Variants in SLC24A3 observed in about 807,000 individuals in gnomAD.
SLC24A3 encodes sodium/potassium/calcium exchanger 3.
A neutral mutation model predicts 75.8 loss-of-function variants in SLC24A3; 28 were observed. The observed-to-expected ratio is 0.37, with a 90% CI of 0.27 to 0.51. The LOEUF is 0.51. Ranked by LOEUF, SLC24A3 falls within the 20% of genes least tolerant of loss-of-function variation. SLC24A3 has a pLI of 0.94. For missense variants in SLC24A3, 663 were observed against 847.8 expected, an observed-to-expected ratio of 0.78 and a Z score of 2.71; for synonymous variants, 372 against 334.1, an observed-to-expected ratio of 1.11 and a Z score of -1.24.
At chr20:19,299,188 GTGTGTGTGTA>G (rs1160624398) in intron 2 of SLC24A3, among the ~76,000 whole-genome samples, 13 of 143,052 alleles carry the variant, frequency 9.1e-5, no homozygotes, top group African/African-American at 3.6e-4. Flanking sequence ...GTGTGTGTGT[GTGTGTGTGTA>G]TGTGTGTGTG....
At chr20:19,237,954 C>A (rs2122158471) in intron 1 of SLC24A3, among the ~76,000 whole-genome samples, 1 of 152,278 alleles carries the variant, frequency 6.6e-6, no homozygotes, top group South Asian at 2.1e-4. Context: ...TATTTTCAAC[C>A]CAAATAGGAA....
At chr20:19,510,800 G>A (rs1351416117) in intron 2 of SLC24A3, among the ~76,000 whole-genome samples, 1 of 152,236 alleles carries the variant, frequency 6.6e-6, no homozygotes, top group Non-Finnish European at 1.5e-5. Context: ...AGCTATGAGA[G>A]ATAAATGTCT....
At chr20:19,396,628 C>T (rs1340441586) in intron 2 of SLC24A3, among the ~76,000 whole-genome samples, 1 of 152,182 alleles carries the variant, frequency 6.6e-6, no homozygotes, top group South Asian at 2.1e-4. Flanking sequence ...TTGTTCACAG[C>T]CTTTGGTTGG....
intron 2 of SLC24A3, among the ~76,000 whole-genome samples, chr20:19,474,428 A>G (rs1355895674): frequency 6.6e-6 from 1 of 152,216 alleles, no homozygotes; most frequent in Non-Finnish European, 1.5e-5. Flanking sequence ...GTTAAGGAAA[A>G]TACTAACTAC....
chr20:19,497,550 A>G (rs910249538), intron 2 of SLC24A3, among the ~76,000 whole-genome samples: 4 of 76,558 alleles, frequency 5.2e-5, no homozygotes, highest in Non-Finnish European at 9.9e-5. Context: ...TTTCTTTGGG[A>G]AAAAACAAGG....
intron 3 of SLC24A3, among the ~76,000 whole-genome samples, chr20:19,559,358 G>A (rs374275058): frequency 2.9e-4 from 44 of 152,244 alleles, no homozygotes; most frequent in African/African-American, 9.6e-4. Flanking sequence ...TTGAATACAT[G>A]TACTTCATAA....
intron 3 of SLC24A3, among the ~76,000 whole-genome samples, chr20:19,518,589 T>C (rs2030040974): frequency 6.6e-6 from 1 of 152,146 alleles, no homozygotes; most frequent in South Asian, 2.1e-4. Flanking sequence ...TCAGGGAGTC[T>C]AGAGAGAGCA....
chr20:19,510,068 G>A (rs1480075826), intron 2 of SLC24A3, among the ~76,000 whole-genome samples: 1 of 152,194 alleles, frequency 6.6e-6, no homozygotes, highest in Non-Finnish European at 1.5e-5. Context: ...ACGCACGTAG[G>A]AGCTGACAAA....
At chr20:19,590,209 T>C (rs566467145) in intron 6 of SLC24A3, among the ~76,000 whole-genome samples, 1 of 152,014 alleles carries the variant, frequency 6.6e-6, no homozygotes, top group African/African-American at 2.4e-5. Flanking sequence ...ACAAACAATG[T>C]GCAGCTAGAA....
Position 19,317,460 on chromosome 20 carries a change from T to A in SLC24A3, c.271+36373T>A, listed in dbSNP as rs554773472. ...TCTGCAAGATGACTCCCCTGTGACC[T>A]GCTGCATTCACAGAAAAGAGGCAAA... On this transcript the variant is annotated intron_variant, in intron 2 of 16. Transcript: ENST00000328041. Among the ~76,000 whole-genome samples the A allele has an allele frequency of 3.3e-5, 5 of 152,296 alleles. No homozygotes were observed. In the East Asian group the frequency reaches 7.7e-4, roughly 24 times the overall value.
intron 2 of SLC24A3, among the ~76,000 whole-genome samples, chr20:19,309,901 C>T (rs992927098): frequency 6.6e-6 from 1 of 152,106 alleles, no homozygotes; most frequent in African/African-American, 2.4e-5. Flanking sequence ...TTTCACGCCC[C>T]AGGAGTGACT....
intron 2 of SLC24A3, among the ~76,000 whole-genome samples, chr20:19,284,863 A>G (rs893950052): frequency 6.6e-6 from 1 of 152,208 alleles, no homozygotes; most frequent in Admixed American, 6.5e-5. Context: ...TAGATCTTCA[A>G]CTACATTTAT....
intron 2 of SLC24A3, among the ~76,000 whole-genome samples, chr20:19,314,747 A>G (rs146853371): frequency 0.01 from 1,532 of 152,298 alleles, 23 homozygotes; most frequent in African/African-American, 0.034. Context: ...CACGCTTCCC[A>G]TCCGTACTCA....
intron 9 of SLC24A3, among the ~76,000 whole-genome samples, chr20:19,679,063 C>T (rs997117302): frequency 4.6e-5 from 7 of 151,364 alleles, no homozygotes; most frequent in South Asian, 2.1e-4. Flanking sequence ...AGACGATGGG[C>T]GGCCAGGCAG....
chr20:19,225,524 A>G (rs571190268), intron 1 of SLC24A3, among the ~76,000 whole-genome samples: 1 of 152,282 alleles, frequency 6.6e-6, no homozygotes, highest in South Asian at 2.1e-4. Flanking sequence ...TTTTAAAATA[A>G]AAAACCCCTA....
At position 19,348,140 on chromosome 20, in the gene SLC24A3, G is replaced by A. The variant is rs758968535; in HGVS notation, c.271+67053G>A. Among the ~76,000 whole-genome samples the A allele has an allele frequency of 1.1e-4, 17 of 152,276 alleles. 1 individual carries two copies. The highest frequency in any genetic ancestry group is 3.4e-3 in the Middle Eastern group (1 of 294). ...CCTTGCTCCCCGAGGATGTCTGTTCGGGTTCTGCTAGAAGCCAAGGGCTCC... is the reference window on the plus strand; with the variant it reads ...CCTTGCTCCCCGAGGATGTCTGTTCAGGTTCTGCTAGAAGCCAAGGGCTCC... On this transcript the variant is annotated intron_variant, in intron 2 of 16. Transcript: ENST00000328041.
At chr20:19,697,255 AC>A (rs1169864683) in intron 14 of SLC24A3, among the ~76,000 whole-genome samples, 4 of 152,128 alleles carry the variant, frequency 2.6e-5, no homozygotes, top group Non-Finnish European at 5.9e-5. Flanking sequence ...CCTAGGTAGC[AC>A]CCATAGCCCC....
intron 2 of SLC24A3, among the ~76,000 whole-genome samples, chr20:19,330,672 C>T (rs1185836043): frequency 2.6e-5 from 4 of 152,178 alleles, no homozygotes; most frequent in Non-Finnish European, 5.9e-5. Flanking sequence ...GTTGGAAACT[C>T]ATAATTTTGT....
intron 3 of SLC24A3, among the ~76,000 whole-genome samples, chr20:19,567,393 G>A (rs6106104): frequency 0.096 from 14,593 of 152,188 alleles, 849 homozygotes; most frequent in African/African-American, 0.15. Context: ...TGGAGCTGGA[G>A]CAAATTAATA....
Sources: allele counts gnomAD v4.1 joint callset (sites outside exome capture counted in the v4.1 genomes callset), GRCh38; gene constraint gnomAD v4.1.1; transcripts MANE v1.5; gene names NCBI Gene and HGNC (gene_info 2026-07-23, HGNC 2026-07-21).